QNG1: variants seen among roughly 807,000 people sequenced by gnomAD.
QNG1 encodes the protein queuosine 5'-phosphate N-glycosylase/hydrolase.
At chr9:83,943,331 CAAAAAAAAA>C in the QNG1 span, among the ~76,000 whole-genome samples, 150 of 62,520 alleles carry the variant, frequency 2.4e-3, no homozygotes, top group African/African-American at 6.8e-3. Flanking sequence ...CAGAGCGTCT[CAAAAAAAAA>C]AAAAAAAAAA....
At chr9:83,956,764 C>T in the QNG1 span, 1 of 385,384 alleles carries the variant, frequency 2.6e-6, no homozygotes, top group Non-Finnish European at 4.6e-6. Context: ...CCCGTTCACG[C>T]CCTCTCGGGC....
chr9:83,945,819 G>A, the QNG1 span, among the ~76,000 whole-genome samples: 1 of 151,922 alleles, frequency 6.6e-6, no homozygotes, highest in Non-Finnish European at 1.5e-5. Context: ...AGCCGGGATG[G>A]TCTCGATCTC....
chr9:83,948,271 G>C, the QNG1 span, among the ~76,000 whole-genome samples: 2 of 146,148 alleles, frequency 1.4e-5, no homozygotes, highest in Non-Finnish European at 3.0e-5. Flanking sequence ...GAGCCCCTCC[G>C]CCCAGCAGCC....
At chr9:83,948,608 T>C in the QNG1 span, among the ~76,000 whole-genome samples, 1 of 152,130 alleles carries the variant, frequency 6.6e-6, no homozygotes, top group Admixed American at 6.5e-5. Context: ...CAACAGCTCA[T>C]TGAGAGCGGG....
chr9:83,952,838 G>T, the QNG1 span, among the ~76,000 whole-genome samples: 1 of 151,236 alleles, frequency 6.6e-6, no homozygotes, highest in South Asian at 2.1e-4. Flanking sequence ...CGTGGTAGTG[G>T]GTGCCTGGAA....
chr9:83,954,879 C>CA, the QNG1 span, among the ~76,000 whole-genome samples: 2,927 of 45,998 alleles, frequency 0.064, 120 homozygotes, highest in Non-Finnish European at 0.097. Flanking sequence ...GAGTCCATCT[C>CA]AAAAAAAAAA....
At chr9:83,955,303 TTAAAA>T in the QNG1 span, 1 of 1,482,608 alleles carries the variant, frequency 6.7e-7, no homozygotes, top group South Asian at 1.3e-5. Context: ...GTTTTTATTC[TTAAAA>T]TGAGTTCTGG....
At chr9:83,944,011 A>G in the QNG1 span, among the ~76,000 whole-genome samples, 2 of 151,742 alleles carry the variant, frequency 1.3e-5, no homozygotes, top group Non-Finnish European at 2.9e-5. Flanking sequence ...ACAGAGTGAG[A>G]CTCCGTCTCA....
At chr9:83,948,312 C>T in the QNG1 span, among the ~76,000 whole-genome samples, 3 of 99,834 alleles carry the variant, frequency 3.0e-5, no homozygotes, top group African/African-American at 5.4e-5. Context: ...AGCCCCTCCG[C>T]CCGGCAGCCG....
chr9:83,953,499 C>T, the QNG1 span: 4 of 233,030 alleles, frequency 1.7e-5, no homozygotes, highest in East Asian at 5.1e-4. Flanking sequence ...AGGCACCCAC[C>T]ACCACACCCG....
the QNG1 span, among the ~76,000 whole-genome samples, chr9:83,947,052 C>T: frequency 6.6e-6 from 1 of 152,072 alleles, no homozygotes; most frequent in Non-Finnish European, 1.5e-5. Flanking sequence ...TCCTGGGCAA[C>T]TGAGACTCTA....
the QNG1 span, among the ~76,000 whole-genome samples, chr9:83,948,742 G>A: frequency 1.3e-5 from 2 of 152,224 alleles, no homozygotes; most frequent in Non-Finnish European, 2.9e-5. Flanking sequence ...ATTTTGTTAT[G>A]TACTAAGAAA....
At chr9:83,943,429 CA>C in the QNG1 span, among the ~76,000 whole-genome samples, 3,749 of 138,786 alleles carry the variant, frequency 0.027, 155 homozygotes, top group African/African-American at 0.094. Flanking sequence ...GTGTACAAAA[CA>C]AAAAAAAAGC....
the QNG1 span, among the ~76,000 whole-genome samples, chr9:83,941,185 A>C: frequency 6.6e-6 from 1 of 152,198 alleles, no homozygotes; most frequent in African/African-American, 2.4e-5. Flanking sequence ...AGGATCATAA[A>C]TGTCTGTTGT....
the QNG1 span, among the ~76,000 whole-genome samples, chr9:83,941,655 G>A: frequency 6.6e-6 from 1 of 152,286 alleles, no homozygotes; most frequent in Admixed American, 6.5e-5. Flanking sequence ...GCTCATGCCT[G>A]TAATCTCAGC....
the QNG1 span, among the ~76,000 whole-genome samples, chr9:83,942,821 G>A: frequency 2.6e-5 from 4 of 152,228 alleles, no homozygotes; most frequent in Non-Finnish European, 5.9e-5. Flanking sequence ...AATGGAGGCA[G>A]TAATGAGTGC....
the QNG1 span, among the ~76,000 whole-genome samples, chr9:83,943,045 G>T: frequency 6.6e-6 from 1 of 152,004 alleles, no homozygotes; most frequent in Non-Finnish European, 1.5e-5. Context: ...TATAGGATTT[G>T]AATTGAAAAA....
chr9:83,940,225 C>A, the QNG1 span, among the ~76,000 whole-genome samples: 1 of 152,016 alleles, frequency 6.6e-6, no homozygotes, highest in Non-Finnish European at 1.5e-5. Context: ...GGCAACATGA[C>A]AAAACCCTGT....
chr9:83,939,800 G>T, the QNG1 span: 1 of 1,144,294 alleles, frequency 8.7e-7, no homozygotes, highest in Non-Finnish European at 1.3e-6. Flanking sequence ...TAATCTACTT[G>T]AACTTTCCTG....
Sources: allele counts gnomAD v4.1 joint callset (sites outside exome capture counted in the v4.1 genomes callset), GRCh38; gene constraint gnomAD v4.1.1; transcripts MANE v1.5; gene names NCBI Gene and HGNC (gene_info 2026-07-23, HGNC 2026-07-21).